The following ALPK1 variants were observed in gnomAD, a reference collection of about 807,000 sequenced individuals.
ALPK1 encodes the protein alpha kinase 1, also known as alpha-protein kinase 1.
ALPK1 carries 110 observed loss-of-function variants against 120.6 expected under a neutral mutation model. The ratio of observed to expected loss-of-function variants is 0.91; its 90% CI spans 0.78 to 1.07. ALPK1 has a LOEUF of 1.07. ALPK1 is among the 50% of genes least tolerant of loss of function. The pLI, the probability that ALPK1 is intolerant of heterozygous loss-of-function variation, is 0.00. For synonymous variants in ALPK1, 582 were observed against 560.3 expected (o/e 1.04, Z -0.55); for missense variants, 1,498 against 1,483.9 (o/e 1.01, Z -0.16).
intron 2 of ALPK1, chr4:112,356,633 A>G (rs770045186): frequency 3.8e-6 from 3 of 797,546 alleles, no homozygotes; most frequent in African/African-American, 1.7e-5. Flanking sequence ...AGAAGATGGC[A>G]AGTCGCTCTG....
chr4:112,420,200 G>A (rs1008942705), intron 5 of ALPK1, among the ~76,000 whole-genome samples: 7 of 152,180 alleles, frequency 4.6e-5, no homozygotes, highest in Non-Finnish European at 1.0e-4. Flanking sequence ...AGGCAATGAG[G>A]AAATAATTAA....
At chr4:112,369,909 T>C (rs1196663201) in intron 2 of ALPK1, among the ~76,000 whole-genome samples, 1 of 152,204 alleles carries the variant, frequency 6.6e-6, no homozygotes, top group East Asian at 1.9e-4. Flanking sequence ...ATATTGTAAA[T>C]TCCTTGACAG....
intron 2 of ALPK1, chr4:112,358,769 C>A (rs1027996987): frequency 2.5e-6 from 2 of 813,858 alleles, no homozygotes; most frequent in Non-Finnish European, 4.4e-6. Flanking sequence ...CACAGATGAA[C>A]ACGGCCAAGC....
At chr4:112,406,391 T>A (rs775724752) in intron 4 of ALPK1, among the ~76,000 whole-genome samples, 67 of 152,192 alleles carry the variant, frequency 4.4e-4, no homozygotes, top group Admixed American at 1.2e-3. Flanking sequence ...GCTGTATGAT[T>A]CCACTAATAC....
At chr4:112,377,064 A>G (rs1346903303) in intron 2 of ALPK1, among the ~76,000 whole-genome samples, 1 of 152,220 alleles carries the variant, frequency 6.6e-6, no homozygotes, top group African/African-American at 2.4e-5. Flanking sequence ...AAATGACAAT[A>G]TAAGTAGATC....
chr4:112,301,162 A>G (rs748386521), intron 1 of ALPK1, among the ~76,000 whole-genome samples: 8 of 152,200 alleles, frequency 5.3e-5, no homozygotes, highest in Non-Finnish European at 1.2e-4. Flanking sequence ...CAAGATAACT[A>G]TATCATTACC....
intron 4 of ALPK1, among the ~76,000 whole-genome samples, chr4:112,388,292 T>C (rs887171183): frequency 2.0e-5 from 3 of 152,154 alleles, no homozygotes; most frequent in Non-Finnish European, 2.9e-5. Context: ...TTGCAGAAAA[T>C]GCTTTAAAAA....
chr4:112,298,896 C>T (rs1361628628), intron 1 of ALPK1, among the ~76,000 whole-genome samples: 1 of 152,094 alleles, frequency 6.6e-6, no homozygotes, highest in Non-Finnish European at 1.5e-5. Context: ...GATCCCTTTC[C>T]CATGAACACA....
intron 5 of ALPK1, 24 bp downstream of exon 5, chr4:112,412,049 C>G: frequency 6.2e-7 from 1 of 1,612,354 alleles, no homozygotes; most frequent in Non-Finnish European, 8.5e-7. Context: ...TGCTGGCCGC[C>G]CCCGCGTCCT....
chr4:112,365,586 G>T (rs747255488), intron 2 of ALPK1, among the ~76,000 whole-genome samples: 45 of 152,176 alleles, frequency 3.0e-4, no homozygotes, highest in Middle Eastern at 3.2e-3. Flanking sequence ...AACATCCTGT[G>T]CTCATGGACT....
Position 112,441,525 on chromosome 4 carries a change from G to A in ALPK1, c.*315G>A, listed in dbSNP as rs1415922332. 1 of 355,740 alleles carries A rather than the reference G, an allele frequency of 2.8e-6. No homozygotes were observed. Among genetic ancestry groups the A allele is most frequent in the South Asian group, 5.4e-5 (1 of 18,540 alleles). 22.0% of individuals were successfully genotyped at this position (355,740 alleles called of 1,614,324 possible). A position where few individuals can be genotyped will look rare whatever the true frequency, so the allele number is the denominator to read the frequency against. ...ATTTTAGAGCTTTTTGTCACTATCTGTCAAGACTGATACTACTGGGGCTTT... is the reference window on the plus strand; with the variant it reads ...ATTTTAGAGCTTTTTGTCACTATCTATCAAGACTGATACTACTGGGGCTTT... On this transcript the variant is annotated 3_prime_UTR_variant, in exon 16 of 16. Coordinates refer to ENST00000650871, the MANE Select transcript of ALPK1 (RefSeq NM_025144.4).
chr4:112,309,453 GC>G (rs1392092259), intron 1 of ALPK1, among the ~76,000 whole-genome samples: 1 of 152,114 alleles, frequency 6.6e-6, no homozygotes, highest in Non-Finnish European at 1.5e-5. Flanking sequence ...AATGGCAGAC[GC>G]CCCTCCCCCA....
intron 2 of ALPK1, chr4:112,356,111 G>A: frequency 7.0e-7 from 1 of 1,421,364 alleles, no homozygotes; most frequent in East Asian, 2.3e-5. Flanking sequence ...GCCACCCTCT[G>A]TGCCCTCCTG....
intron 5 of ALPK1, among the ~76,000 whole-genome samples, chr4:112,422,807 T>C (rs1328653950): frequency 6.6e-6 from 1 of 152,196 alleles, no homozygotes; most frequent in Non-Finnish European, 1.5e-5. Flanking sequence ...AGCAGAGGCC[T>C]TGGGGGAGGG....
In ALPK1 at chr4:112,431,351, G is replaced by A. The variant is rs147228808; in HGVS notation, c.1804G>A (p.Val602Ile). The A allele has an allele frequency of 3.2e-5, 52 of 1,614,072 alleles. No homozygotes were observed. Among genetic ancestry groups the A allele is most frequent in the African/African-American group, 1.7e-4 (13 of 74,944 alleles). The change falls in exon 11 of 16, where the codon GTT becomes ATT. Residue 602 changes from valine (V) to isoleucine (I), a missense_variant. Transcript: ENST00000650871. The stretch of plus-strand genomic sequence containing the variant: ...AAGCTGGGAGGAAGTGAATTATCAC[G>A]TTGACGACAGGTCAGCCAGAAAAGA... ...SASWEEVNYHVDDRSARKEPG... is the reference protein window; with the variant it reads ...SASWEEVNYHIDDRSARKEPG...
intron 1 of ALPK1, among the ~76,000 whole-genome samples, chr4:112,304,505 G>T (rs1578444235): frequency 6.6e-6 from 1 of 152,096 alleles, no homozygotes; most frequent in South Asian, 2.1e-4. Context: ...GGCCAGTGAT[G>T]ATGAGCATTT....
chr4:112,346,499 A>G (rs908465203), intron 2 of ALPK1, among the ~76,000 whole-genome samples: 13 of 152,228 alleles, frequency 8.5e-5, no homozygotes, highest in Admixed American at 8.5e-4. Context: ...CTCCATCTTC[A>G]TTGATTCATT....
In ALPK1 at chr4:112,358,375, T is replaced by C. The variant is rs1000575897; in HGVS notation, c.-100-19303T>C. ...CTATGCCAGCACCGGCCCCCTGGGC[T>C]GTAGCACCCAGTTTGCGTGAGGCAG... On this transcript the variant is annotated intron_variant, in intron 2 of 15. Coordinates refer to ENST00000650871, the MANE Select transcript of ALPK1 (RefSeq NM_025144.4). The C allele has an allele frequency of 8.3e-6, 5 of 604,960 alleles. No individual in the cohort carries two copies. The African/African-American group carries it at 9.2e-5, about 11-fold the overall frequency. The allele number at this position is 604,960 out of a possible 1,614,324, so 37.5% of individuals were successfully genotyped here.
chr4:112,305,013 TC>T (rs1438674983), intron 1 of ALPK1, among the ~76,000 whole-genome samples: 8 of 152,158 alleles, frequency 5.3e-5, no homozygotes, highest in Admixed American at 4.6e-4. Flanking sequence ...GGGACTCCTT[TC>T]CCCATTTCTT....
Sources: gnomAD v4.1 joint callset for allele counts (sites outside exome capture counted in the v4.1 genomes callset) on GRCh38, gnomAD v4.1.1 for gene constraint, MANE v1.5 for transcripts, NCBI Gene and HGNC (gene_info 2026-07-23, HGNC 2026-07-21) for gene names.